Variants in UBE2R2 observed in about 807,000 individuals in gnomAD.
The protein encoded by UBE2R2 is ubiquitin conjugating enzyme E2 R2, also known as ubiquitin-conjugating enzyme E2 R2.
In UBE2R2, 1 loss-of-function variant was observed where a neutral mutation model predicts 27.8. The ratio of observed to expected loss-of-function variants is 0.04; its 90% confidence interval spans 0.01 to 0.17. The LOEUF is 0.17. Among genes scored for constraint, UBE2R2 ranks in the 10% least tolerant of loss-of-function variants. UBE2R2 has a pLI of 1.00. For synonymous variants in UBE2R2, 106 were observed against 113.3 expected (o/e 0.94, Z 0.41); for missense variants, 100 against 291.0 (o/e 0.34, Z 4.78).
intron 4 of UBE2R2, among the ~76,000 whole-genome samples, chr9:33,914,680 T>G (rs1380562207): frequency 6.6e-6 from 1 of 151,894 alleles, no homozygotes; most frequent in Non-Finnish European, 1.5e-5. Flanking sequence ...ATATAAAAGT[T>G]AGTTGGGCAT....
At chr9:33,874,574 A>AT (rs1821562750) in intron 1 of UBE2R2, among the ~76,000 whole-genome samples, 1 of 151,874 alleles carries the variant, frequency 6.6e-6, no homozygotes, top group Admixed American at 6.6e-5. Context: ...ATATGTATAT[A>AT]TATTATTATT....
chr9:33,836,054 G>A (rs1247023550), intron 1 of UBE2R2, among the ~76,000 whole-genome samples: 2 of 152,200 alleles, frequency 1.3e-5, no homozygotes, highest in African/African-American at 2.4e-5. Flanking sequence ...TGTTATCCCA[G>A]CACTTTCGGG....
At chr9:33,836,308 A>G (rs1563983496) in intron 1 of UBE2R2, among the ~76,000 whole-genome samples, 1 of 152,188 alleles carries the variant, frequency 6.6e-6, no homozygotes, top group Admixed American at 6.6e-5. Flanking sequence ...AGGTACAAGT[A>G]TACCATTTTT....
At position 33,838,509 on chromosome 9, in the gene UBE2R2, GT is replaced by G. The variant is rs1025953438; in HGVS notation, c.177+20584del. Among the ~76,000 whole-genome samples the G allele has an allele frequency of 6.6e-5, 10 of 151,186 alleles. No individual in the cohort carries two copies. In the South Asian group the frequency reaches 1.9e-3, roughly 29 times the overall value. On this transcript the variant is annotated intron_variant, in intron 1 of 4. Coordinates refer to ENST00000263228, the MANE Select transcript of UBE2R2 (RefSeq NM_017811.4). The stretch of plus-strand genomic sequence containing the variant: ...TTTGCTAATGTTAATCTGCTTAATA[GT>G]TTTTTTTTAAATTGAGGTGTATGTA...
At chr9:33,862,817 A>G (rs1191277068) in intron 1 of UBE2R2, among the ~76,000 whole-genome samples, 2 of 152,104 alleles carry the variant, frequency 1.3e-5, no homozygotes, top group East Asian at 1.9e-4. Flanking sequence ...ACATATAAAC[A>G]GTATGTTTTG....
At chr9:33,907,904 T>C (rs1822395573) in intron 3 of UBE2R2, among the ~76,000 whole-genome samples, 1 of 152,020 alleles carries the variant, frequency 6.6e-6, no homozygotes, top group Non-Finnish European at 1.5e-5. Context: ...TCTCGGCTCA[T>C]TGCAACCTCC....
At chr9:33,830,664 A>C (rs1820450781) in intron 1 of UBE2R2, among the ~76,000 whole-genome samples, 1 of 151,208 alleles carries the variant, frequency 6.6e-6, no homozygotes, top group Non-Finnish European at 1.5e-5. Context: ...GCCACTTGGG[A>C]GGCTGAGGCA....
intron 1 of UBE2R2, among the ~76,000 whole-genome samples, chr9:33,878,560 A>G (rs980937778): frequency 3.3e-5 from 5 of 152,070 alleles, no homozygotes; most frequent in Admixed American, 6.6e-5. Flanking sequence ...GGAGGTTGCT[A>G]TGAGCCAAGA....
At position 33,889,396 on chromosome 9, in the gene UBE2R2, G is replaced by A. The variant is rs1305013020; in HGVS notation, c.264+2429G>A. Reference sequence around the variant, plus strand: ...TTTTTTTTTATTTTTAGTAGAGACAGGGTTTCACCGTGTTAGCCAGGATGG... The same window carrying A: ...TTTTTTTTTATTTTTAGTAGAGACAAGGTTTCACCGTGTTAGCCAGGATGG... On this transcript the variant is annotated intron_variant, in intron 2 of 4. Transcript: ENST00000263228. Among the ~76,000 whole-genome samples the A allele has an allele frequency of 3.3e-5, 5 of 152,210 alleles. No homozygotes were observed. In the East Asian group the frequency reaches 7.7e-4, roughly 24 times the overall value.
chr9:33,844,246 C>A (rs139831346), intron 1 of UBE2R2, among the ~76,000 whole-genome samples: 5 of 152,320 alleles, frequency 3.3e-5, no homozygotes, highest in African/African-American at 1.2e-4. Context: ...CTCTTGTCGC[C>A]CAGGCTGGAG....
intron 1 of UBE2R2, among the ~76,000 whole-genome samples, chr9:33,822,935 C>T (rs1013800779): frequency 2.3e-5 from 3 of 131,600 alleles, no homozygotes; most frequent in Non-Finnish European, 1.6e-5. Flanking sequence ...AGCTGAGTCT[C>T]GCTCTGTTGC....
intron 1 of UBE2R2, among the ~76,000 whole-genome samples, chr9:33,859,246 T>C (rs1408527393): frequency 6.6e-6 from 1 of 152,254 alleles, no homozygotes; most frequent in African/African-American, 2.4e-5. Flanking sequence ...TAATTGTTAC[T>C]ATACTCTGTG....
At chr9:33,838,657 A>G (rs1350330383) in intron 1 of UBE2R2, among the ~76,000 whole-genome samples, 4 of 152,104 alleles carry the variant, frequency 2.6e-5, no homozygotes, top group Admixed American at 6.6e-5. Context: ...AGTTTATGTT[A>G]GTTGGTTTTA....
intron 1 of UBE2R2, among the ~76,000 whole-genome samples, chr9:33,823,784 G>T (rs1350310074): frequency 6.6e-6 from 1 of 152,180 alleles, no homozygotes; most frequent in Non-Finnish European, 1.5e-5. Flanking sequence ...CTAATTTTAT[G>T]TATCTTTTTC....
intron 2 of UBE2R2, among the ~76,000 whole-genome samples, chr9:33,899,189 T>C (rs952577389): frequency 2.0e-5 from 3 of 152,088 alleles, no homozygotes; most frequent in Admixed American, 6.6e-5. Context: ...TCTAAGACAA[T>C]TGAGTCTTGA....
intron 2 of UBE2R2, among the ~76,000 whole-genome samples, chr9:33,898,098 T>C (rs995623604): frequency 4.6e-5 from 7 of 151,980 alleles, no homozygotes; most frequent in Non-Finnish European, 8.8e-5. Context: ...TTTTTGTTTT[T>C]GTTTTGAGAT....
intron 1 of UBE2R2, among the ~76,000 whole-genome samples, chr9:33,875,002 C>CT (rs112682221): frequency 4.6e-4 from 67 of 144,736 alleles, no homozygotes; most frequent in East Asian, 1.2e-3. Flanking sequence ...TTTGTTTTAC[C>CT]TTTTTTTTTT....
chr9:33,831,980 A>G (rs960428851), intron 1 of UBE2R2, among the ~76,000 whole-genome samples: 2 of 151,518 alleles, frequency 1.3e-5, no homozygotes, highest in African/African-American at 4.9e-5. Context: ...GGTATTCTTA[A>G]GCTTGATTCA....
At chr9:33,821,740 C>T (rs138056576) in intron 1 of UBE2R2, among the ~76,000 whole-genome samples, 1,732 of 150,530 alleles carry the variant, frequency 0.012, 41 homozygotes, top group African/African-American at 0.04. Flanking sequence ...CTCAGCCTCC[C>T]GAGTAGCTGG....
Sources: allele counts gnomAD v4.1 joint callset (sites outside exome capture counted in the v4.1 genomes callset), GRCh38; gene constraint gnomAD v4.1.1; transcripts MANE v1.5; gene names NCBI Gene and HGNC (gene_info 2026-07-23, HGNC 2026-07-21).